Variants in RAB4B observed in about 807,000 individuals in gnomAD.
RAB4B encodes the protein ras-related protein Rab-4B.
A neutral mutation model predicts 28.3 loss-of-function variants in RAB4B; 15 were observed. The observed-to-expected ratio is 0.53, with a 90% CI of 0.35 to 0.82. The LOEUF is 0.82. Ranked by LOEUF, RAB4B falls within the 40% of genes least tolerant of loss-of-function variation. RAB4B has a pLI of 0.01. For missense variants in RAB4B, 244 were observed against 288.5 expected (o/e 0.85, Z 1.12); for synonymous variants, 108 against 116.3 (o/e 0.93, Z 0.46).
chr19:40,786,795 G>T lies in RAB4B; in HGVS notation c.526+35G>T, dbSNP rs1158460307. On this transcript the variant is annotated intron_variant, in intron 6 of 7. Coordinates refer to ENST00000357052, the MANE Select transcript of RAB4B (RefSeq NM_016154.5). ...CGACCGGCCCGAGTGGGAGCGAAGG[G>T]CAGGCCCGGGGGTCTCCAGGCAACC... The T allele has an allele frequency of 3.7e-6, 6 of 1,614,138 alleles. No homozygotes were observed. In the Admixed American group the frequency reaches 1.0e-4, roughly 27 times the overall value.
Position 40,786,987 on chromosome 19 carries a change from C to A in RAB4B, c.*15+9C>A. On this transcript the variant is annotated intron_variant, in intron 7 of 7. Coordinates refer to ENST00000357052, the MANE Select transcript of RAB4B (RefSeq NM_016154.5). ...GAGCTCTGTGGAGCCAGGTGGGACACTGGGGGCTTTAGGGAGGCAGGGCGG... is the reference window on the plus strand; with the variant it reads ...GAGCTCTGTGGAGCCAGGTGGGACAATGGGGGCTTTAGGGAGGCAGGGCGG... The A allele has an allele frequency of 6.2e-7, 1 of 1,609,810 alleles. No homozygotes were observed. Among genetic ancestry groups the A allele is most frequent in the Non-Finnish European group, 8.5e-7 (1 of 1,176,972 alleles).
intron 3 of RAB4B, among the ~76,000 whole-genome samples, chr19:40,781,663 G>A (rs2083049481): frequency 6.6e-6 from 1 of 152,020 alleles, no homozygotes; most frequent in Admixed American, 6.6e-5. Flanking sequence ...GAAATGCGTA[G>A]GGCTCAACAC....
intron 1 of RAB4B, chr19:40,779,139 G>T (rs1310619828): frequency 6.0e-6 from 3 of 497,158 alleles, no homozygotes; most frequent in Non-Finnish European, 7.8e-6. Flanking sequence ...GTGGTAGGAG[G>T]TGAAGAGGAA....
chr19:40,781,485 T>C (rs1246153400), intron 3 of RAB4B, among the ~76,000 whole-genome samples: 2 of 150,100 alleles, frequency 1.3e-5, no homozygotes, highest in African/African-American at 4.9e-5. Context: ...GCCACAGAGA[T>C]GGAACAGAAA....
chr19:40,780,983 G>A (rs2145038322), intron 3 of RAB4B, among the ~76,000 whole-genome samples: 1 of 151,636 alleles, frequency 6.6e-6, no homozygotes, highest in African/African-American at 2.4e-5. Flanking sequence ...GAATGATAAG[G>A]GAGGTAAGGA....
intron 7 of RAB4B, among the ~76,000 whole-genome samples, chr19:40,790,546 AT>A (rs538525905): frequency 7.2e-6 from 1 of 139,410 alleles, no homozygotes; most frequent in Admixed American, 7.3e-5. Context: ...AATTTTTTGT[AT>A]TTTTTTTAGT....
chr19:40,782,399 G>A (rs1336856090), intron 3 of RAB4B, among the ~76,000 whole-genome samples: 1 of 152,218 alleles, frequency 6.6e-6, no homozygotes, highest in Non-Finnish European at 1.5e-5. Flanking sequence ...GCAGGGCCAG[G>A]CAAAGGGGAG....
chr19:40,780,753 T>C (rs2083039022), intron 3 of RAB4B, among the ~76,000 whole-genome samples: 1 of 151,270 alleles, frequency 6.6e-6, no homozygotes, highest in Non-Finnish European at 1.5e-5. Context: ...TGGGAGGCCA[T>C]GGTGGGAAGA....
Position 40,786,744 on chromosome 19 carries a change from C to A in RAB4B, c.510C>A (p.Leu170=). ...EAFLKCARTI[L]NKIDSGELDP... ...TCCTCAAGTGTGCCCGCACTATCCT[C>A]AACAAGATTGACTCAGGTGAGGCCC... Residue 170 remains leucine, a synonymous_variant, in exon 6 of 8, where the codon CTC becomes CTA. Transcript: ENST00000357052. 1.2e-6 allele frequency: 2 copies of A among 1,614,086 alleles called. No individual in the cohort carries two copies. The highest frequency in any genetic ancestry group is 2.2e-5 in the South Asian group (2 of 91,054).
At position 40,782,391 on chromosome 19, in the gene RAB4B, A is replaced by G. The variant is rs374922739; in HGVS notation, c.213-1387A>G. 1.4e-4 allele frequency among the ~76,000 whole-genome samples: 22 copies of G among 152,344 alleles called. 1 individual carries two copies. Among genetic ancestry groups the G allele is most frequent in the African/African-American group, 5.0e-4 (21 of 41,588 alleles). On this transcript the variant is annotated intron_variant, in intron 3 of 7. Transcript: ENST00000357052. ...AGCAGATGTTGTATAGTGCTTGGGC[A>G]GGGCCAGGCAAAGGGGAGATTTGCT...
chr19:40,778,509 C>G (rs1196571718), intron 1 of RAB4B, 118 bp downstream of exon 1: 1 of 1,058,948 alleles, frequency 9.4e-7, no homozygotes, highest in Non-Finnish European at 1.3e-6. Context: ...GAGGCAGGAC[C>G]TAAGTGGATG....
intron 3 of RAB4B, among the ~76,000 whole-genome samples, chr19:40,780,854 G>T (rs779581396): frequency 4.0e-5 from 6 of 151,862 alleles, no homozygotes; most frequent in Non-Finnish European, 7.4e-5. Flanking sequence ...AAGTGGCTTG[G>T]GGGTGGGGAA....
Position 40,780,116 on chromosome 19 carries a change from G to C in RAB4B, c.97+17G>C. 6.2e-7 allele frequency: 1 copy of C among 1,613,280 alleles called. No individual in the cohort carries two copies. The highest frequency in any genetic ancestry group is 1.1e-5 in the South Asian group (1 of 91,014). Reference sequence around the variant, plus strand: ...AGAATAAGTGTGAGTTTCCCGCAGTGGTCCTGGGAACCCTGAGCTGTGTTT... The same window carrying C: ...AGAATAAGTGTGAGTTTCCCGCAGTCGTCCTGGGAACCCTGAGCTGTGTTT... On this transcript the variant is annotated intron_variant, in intron 2 of 7. Transcript: ENST00000357052.
chr19:40,786,522 A>T, intron 5 of RAB4B, 143 bp from the exon 6 acceptor site: 2 of 1,251,702 alleles, frequency 1.6e-6, no homozygotes, highest in Non-Finnish European at 2.2e-6. Flanking sequence ...CATTAGTGGC[A>T]GGGAAATGGC....
At chr19:40,796,531 C>G (rs1476585327) in intron 7 of RAB4B, 39 bp from the exon 8 acceptor site, 1 of 152,596 alleles carries the variant, frequency 6.6e-6, no homozygotes, top group Non-Finnish European at 1.5e-5. Context: ...CTGGACAGAC[C>G]CCGGGGACCC....
intron 3 of RAB4B, among the ~76,000 whole-genome samples, chr19:40,782,887 C>T (rs1449575289): frequency 6.6e-6 from 1 of 151,710 alleles, no homozygotes; most frequent in Non-Finnish European, 1.5e-5. Flanking sequence ...GCCTGTAATC[C>T]CAACACTTTG....
In RAB4B at chr19:40,780,029, C is replaced by T; in HGVS notation, c.27C>T (p.Phe9=). The T allele has an allele frequency of 6.2e-7, 1 of 1,611,916 alleles. No homozygotes were observed. Among genetic ancestry groups the T allele is most frequent in the Non-Finnish European group, 8.5e-7 (1 of 1,177,982 alleles). MAETYDFL[F]KFLVIGSAGT... ...GCTCCATCTGGTCAGACTTCCTCTT[C>T]AAATTCCTGGTGATTGGCAGTGCAG... The change falls in exon 2 of 8, where the codon TTC becomes TTT. Residue 9 remains phenylalanine (F), a synonymous_variant. Transcript: ENST00000357052.
At chr19:40,780,992 G>A (rs2083041214) in intron 3 of RAB4B, among the ~76,000 whole-genome samples, 1 of 151,372 alleles carries the variant, frequency 6.6e-6, no homozygotes, top group African/African-American at 2.4e-5. Flanking sequence ...GGGAGGTAAG[G>A]AGGCCTGGCA....
At chr19:40,782,148 C>A (rs757481357) in intron 3 of RAB4B, among the ~76,000 whole-genome samples, 1 of 151,642 alleles carries the variant, frequency 6.6e-6, no homozygotes, top group African/African-American at 2.4e-5. Flanking sequence ...TTAATTCTTG[C>A]GTATGGATTA....
Sources: allele counts gnomAD v4.1 joint callset (sites outside exome capture counted in the v4.1 genomes callset), GRCh38; gene constraint gnomAD v4.1.1; transcripts MANE v1.5; gene names NCBI Gene and HGNC (gene_info 2026-07-23, HGNC 2026-07-21).